Variants in GLIS3 observed in about 807,000 individuals in gnomAD.
The protein encoded by GLIS3 is GLIS family zinc finger 3, also known as zinc finger protein GLIS3.
Under a neutral mutation model 78.6 loss-of-function variants are expected in GLIS3, and 53 were observed. That is an observed-to-expected ratio of 0.67 (90% CI 0.54 to 0.85). GLIS3 has a LOEUF of 0.85. GLIS3 is among the 40% of genes least tolerant of loss of function. GLIS3 has a pLI of 0.00. For synonymous variants in GLIS3, 684 were observed against 509.9 expected, an observed-to-expected ratio of 1.34 and a Z score of -4.60; for missense variants, 1,703 against 1,231.1, an observed-to-expected ratio of 1.38 and a Z score of -5.74.
At chr9:3,948,419 C>T (rs899368454) in intron 4 of GLIS3, among the ~76,000 whole-genome samples, 2 of 152,170 alleles carry the variant, frequency 1.3e-5, no homozygotes, top group Admixed American at 6.5e-5. Flanking sequence ...CCATCGATGA[C>T]CTTTTGGGTC....
chr9:4,358,166 G>T, the GLIS3 span, among the ~76,000 whole-genome samples: 1 of 152,024 alleles, frequency 6.6e-6, no homozygotes, highest in African/African-American at 2.4e-5. Context: ...GTGTATATAT[G>T]CAAAGAAAAT....
At chr9:4,192,415 G>C (rs1355435352) in intron 2 of GLIS3, among the ~76,000 whole-genome samples, 1 of 152,178 alleles carries the variant, frequency 6.6e-6, no homozygotes, top group African/African-American at 2.4e-5. Context: ...GCATAGTTTA[G>C]TTTATAACAT....
the GLIS3 span, among the ~76,000 whole-genome samples, chr9:4,357,428 G>A: frequency 6.6e-6 from 1 of 152,160 alleles, no homozygotes; most frequent in Non-Finnish European, 1.5e-5. Context: ...GTTTGGACTA[G>A]ATTTTACACT....
rs551270166 is a variant in GLIS3 at position 3,835,571 on chromosome 9, A to T, written c.2474-6079T>A. On this transcript the variant is annotated intron_variant, in intron 9 of 10. Transcript: ENST00000381971. Reference sequence around the variant, plus strand: ...AATCTCAGGAGTCATCTATTGTTTGACTTTTCAGAAGAAACAGTGACTAAT... The same window carrying T: ...AATCTCAGGAGTCATCTATTGTTTGTCTTTTCAGAAGAAACAGTGACTAAT... Among the ~76,000 whole-genome samples the T allele has an allele frequency of 2.0e-5, 3 of 152,318 alleles. No homozygotes were observed. The East Asian group carries it at 5.8e-4, about 29-fold the overall frequency.
the GLIS3 span, among the ~76,000 whole-genome samples, chr9:4,465,364 G>A: frequency 1.4e-4 from 21 of 152,260 alleles, no homozygotes; most frequent in African/African-American, 3.8e-4. Flanking sequence ...CCTGGCCAAC[G>A]TGGTGAAACC....
chr9:4,413,046 T>C, the GLIS3 span, among the ~76,000 whole-genome samples: 4 of 152,222 alleles, frequency 2.6e-5, no homozygotes, highest in African/African-American at 9.6e-5. Context: ...TTAGAGTTTG[T>C]CTGTTTCAAC....
the GLIS3 span, among the ~76,000 whole-genome samples, chr9:4,396,862 GT>G: frequency 6.6e-6 from 1 of 152,014 alleles, no homozygotes; most frequent in Non-Finnish European, 1.5e-5. Flanking sequence ...GCGAGCCTGA[GT>G]ACGTCTGAGC....
chr9:4,253,178 G>A (rs940008241), intron 2 of GLIS3, among the ~76,000 whole-genome samples: 1 of 152,248 alleles, frequency 6.6e-6, no homozygotes, highest in African/African-American at 2.4e-5. Flanking sequence ...GAGCCGGCAG[G>A]CAGGAACGTT....
chr9:4,398,335 G>C, the GLIS3 span, among the ~76,000 whole-genome samples: 2 of 151,944 alleles, frequency 1.3e-5, no homozygotes, highest in Non-Finnish European at 2.9e-5. Flanking sequence ...AATCTTATTA[G>C]GAATGCAGAG....
chr9:4,255,748 G>C (rs10814899), intron 2 of GLIS3, among the ~76,000 whole-genome samples: 1 of 151,798 alleles, frequency 6.6e-6, no homozygotes, highest in African/African-American at 2.4e-5. Context: ...AGGATTTTTA[G>C]GGCAGTGAAA....
At chr9:4,472,736 C>A in the GLIS3 span, among the ~76,000 whole-genome samples, 1 of 151,906 alleles carries the variant, frequency 6.6e-6, no homozygotes, top group Non-Finnish European at 1.5e-5. Context: ...TGCACATGTA[C>A]CCTAGAACTT....
chr9:3,873,491 A>G (rs1233794699), intron 8 of GLIS3, among the ~76,000 whole-genome samples: 1 of 152,212 alleles, frequency 6.6e-6, no homozygotes, highest in Non-Finnish European at 1.5e-5. Context: ...GTTAAATAGA[A>G]GGAATAAATT....
chr9:4,274,328 A>G (rs1038934841), intron 2 of GLIS3, among the ~76,000 whole-genome samples: 3 of 152,156 alleles, frequency 2.0e-5, no homozygotes, highest in African/African-American at 7.2e-5. Context: ...CTTTCTTCTT[A>G]GGTCTCTCTC....
chr9:4,106,214 C>A (rs183288667), intron 4 of GLIS3, among the ~76,000 whole-genome samples: 2 of 152,286 alleles, frequency 1.3e-5, no homozygotes, highest in Admixed American at 6.5e-5. Flanking sequence ...TCTAAAGCCA[C>A]TGGAAAGCAC....
chr9:4,465,037 A>G, the GLIS3 span, among the ~76,000 whole-genome samples: 1 of 152,392 alleles, frequency 6.6e-6, no homozygotes, highest in East Asian at 1.9e-4. Flanking sequence ...CTTCAGTGAC[A>G]CATTTCTTCA....
intron 2 of GLIS3, among the ~76,000 whole-genome samples, chr9:4,282,850 C>T (rs1360305980): frequency 6.6e-6 from 1 of 152,130 alleles, no homozygotes; most frequent in Non-Finnish European, 1.5e-5. Flanking sequence ...GTTCCATCAG[C>T]GTCCTCAAAA....
chr9:4,132,160 T>C (rs1274453972), intron 2 of GLIS3, among the ~76,000 whole-genome samples: 1 of 152,076 alleles, frequency 6.6e-6, no homozygotes, highest in Non-Finnish European at 1.5e-5. Flanking sequence ...TGTGCACTGG[T>C]TTTCATTTTG....
the GLIS3 span, among the ~76,000 whole-genome samples, chr9:4,436,314 A>G: frequency 2.5e-3 from 377 of 152,352 alleles, 3 homozygotes; most frequent in African/African-American, 8.4e-3. Flanking sequence ...TAATATATTA[A>G]AAGGTGGTTT....
chr9:4,283,893 T>C (rs910865352), intron 2 of GLIS3, among the ~76,000 whole-genome samples: 7 of 152,234 alleles, frequency 4.6e-5, no homozygotes, highest in African/African-American at 1.7e-4. Flanking sequence ...ACCCCTCATT[T>C]GTGCCTATGC....
Sources: gnomAD v4.1 joint callset for allele counts (sites outside exome capture counted in the v4.1 genomes callset) on GRCh38, gnomAD v4.1.1 for gene constraint, MANE v1.5 for transcripts, NCBI Gene and HGNC (gene_info 2026-07-23, HGNC 2026-07-21) for gene names.